Variants in OTUD3 observed in about 807,000 individuals in gnomAD.
The protein encoded by OTUD3 is OTU domain-containing protein 3.
Under a neutral mutation model 46.2 loss-of-function variants are expected in OTUD3, and 24 were observed. The ratio of observed to expected loss-of-function variants is 0.52; its 90% CI spans 0.38 to 0.73. The LOEUF (loss-of-function observed/expected upper bound fraction) is 0.73. Ranked by LOEUF, OTUD3 falls within the 30% of genes least tolerant of loss-of-function variation. The probability of loss-of-function intolerance (pLI) is 0.00; values close to 1 mark genes in which losing one functional copy is unlikely to be tolerated. For missense variants in OTUD3, 455 were observed against 523.3 expected, an observed-to-expected ratio of 0.87 and a Z score of 1.27; for synonymous variants, 189 against 195.4, an observed-to-expected ratio of 0.97 and a Z score of 0.27.
intron 1 of OTUD3, among the ~76,000 whole-genome samples, chr1:19,882,952 T>C (rs2045293433): frequency 6.6e-6 from 1 of 152,204 alleles, no homozygotes; most frequent in African/African-American, 2.4e-5. Context: ...GTCCTAATCA[T>C]GGCAGACGCC....
Position 19,894,406 on chromosome 1 carries a change from G to T in OTUD3, c.409G>T (p.Asp137Tyr), listed in dbSNP as rs1309301545. The T allele has an allele frequency of 6.2e-7, 1 of 1,609,928 alleles. No homozygotes were observed. Among genetic ancestry groups the T allele is most frequent in the Non-Finnish European group, 8.5e-7 (1 of 1,177,862 alleles). Residue 137 changes from aspartate to tyrosine, a missense_variant, in exon 3 of 8, where the codon GAT becomes TAT. Transcript: ENST00000375120. Reference protein sequence around the residue: ...LAKPGTFAGNDAIVAFARNHQ... With the variant: ...LAKPGTFAGNYAIVAFARNHQ... The stretch of plus-strand genomic sequence containing the variant: ...AAAGCCTGGTACTTTTGCTGGCAAT[G>T]ATGCAATTGTAGCCTTTGCAAGAAA...
At position 19,906,551 on chromosome 1, in the gene OTUD3, G is replaced by A. The variant is rs755094105; in HGVS notation, c.955G>A (p.Glu319Lys). 1.4e-5 allele frequency: 23 copies of A among 1,613,750 alleles called. No individual in the cohort carries two copies. The highest frequency in any genetic ancestry group is 5.5e-5 in the South Asian group (5 of 91,026). The change falls in exon 7 of 8, where the codon GAA becomes AAA. Residue 319 changes from glutamate to lysine, a missense_variant. Physicochemically the swap from Glu to Lys is moderately conservative, Grantham distance 56. Transcript: ENST00000375120. ...TCAGGGCTTAAATGAAGGCAGGACC[G>A]AAAACAATAAGGCACAGGCCAGCCC... ...GNQGLNEGRT[E>K]NNKAQASPSE... is the part of the protein sequence containing the mutation.
intron 1 of OTUD3, among the ~76,000 whole-genome samples, chr1:19,885,577 C>T (rs1438380415): frequency 6.6e-6 from 1 of 152,168 alleles, no homozygotes; most frequent in African/African-American, 2.4e-5. Flanking sequence ...CCTCAGCCTC[C>T]TGAGTAGCTG....
At chr1:19,901,671 T>C (rs1012763085) in intron 4 of OTUD3, among the ~76,000 whole-genome samples, 1 of 152,224 alleles carries the variant, frequency 6.6e-6, no homozygotes, top group African/African-American at 2.4e-5. Flanking sequence ...CATTAAGCAG[T>C]GACTCCCAAT....
At chr1:19,891,168 C>T (rs911082431) in intron 2 of OTUD3, among the ~76,000 whole-genome samples, 1 of 152,190 alleles carries the variant, frequency 6.6e-6, no homozygotes, top group Non-Finnish European at 1.5e-5. Context: ...GTTAATTTCT[C>T]ACCCAAACCC....
chr1:19,900,061 T>C (rs980666106), intron 4 of OTUD3, among the ~76,000 whole-genome samples: 41 of 152,224 alleles, frequency 2.7e-4, no homozygotes, highest in African/African-American at 8.9e-4. Flanking sequence ...TGAAAGAATT[T>C]TAGATTTTTA....
At chr1:19,892,386 A>G (rs1164399146) in intron 2 of OTUD3, among the ~76,000 whole-genome samples, 2 of 152,130 alleles carry the variant, frequency 1.3e-5, no homozygotes, top group South Asian at 2.1e-4. Flanking sequence ...TGAGATTCTC[A>G]AGGGCAGGGA....
intron 6 of OTUD3, among the ~76,000 whole-genome samples, chr1:19,905,623 C>T (rs890455198): frequency 3.3e-5 from 5 of 152,106 alleles, no homozygotes; most frequent in African/African-American, 7.2e-5. Context: ...TGCCTGTAAT[C>T]CCAGCTACTC....
chr1:19,899,818 T>A (rs2045562452), intron 4 of OTUD3, among the ~76,000 whole-genome samples: 1 of 152,256 alleles, frequency 6.6e-6, no homozygotes, highest in Non-Finnish European at 1.5e-5. Context: ...TAACCTAGTT[T>A]TAATTTGCAT....
In OTUD3 at chr1:19,887,496, G is replaced by A. The variant is rs529051936; in HGVS notation, c.222-2889G>A. On this transcript the variant is annotated intron_variant, in intron 1 of 7. Coordinates refer to ENST00000375120, the MANE Select transcript of OTUD3 (RefSeq NM_015207.2). The stretch of plus-strand genomic sequence containing the variant: ...GATGCTCAGTAGTCACATGCGGTTA[G>A]CAACCACTATTAAACAACACACATC... Among the ~76,000 whole-genome samples, 3 of 152,246 alleles carry A rather than the reference G, an allele frequency of 2.0e-5. No individual in the cohort carries two copies. The East Asian group carries it at 5.8e-4, about 29-fold the overall frequency.
At chr1:19,905,098 G>A in intron 6 of OTUD3, 111 bp downstream of exon 6, 1 of 674,022 alleles carries the variant, frequency 1.5e-6, no homozygotes, top group East Asian at 2.6e-5. Flanking sequence ...CATTCATTTA[G>A]GAGTTGTTTA....
At chr1:19,887,954 A>G (rs1333672833) in intron 1 of OTUD3, among the ~76,000 whole-genome samples, 1 of 152,182 alleles carries the variant, frequency 6.6e-6, no homozygotes, top group Non-Finnish European at 1.5e-5. Flanking sequence ...CTAATAGTAA[A>G]TTATTGCGCA....
chr1:19,905,983 T>C (rs1038985576), intron 6 of OTUD3, among the ~76,000 whole-genome samples: 11 of 152,218 alleles, frequency 7.2e-5, no homozygotes, highest in Non-Finnish European at 1.5e-4. Context: ...TTCAGTATAG[T>C]GTGTACCTGC....
At chr1:19,900,916 G>GTTTTTTTT (rs990933093) in intron 4 of OTUD3, among the ~76,000 whole-genome samples, 5 of 115,666 alleles carry the variant, frequency 4.3e-5, no homozygotes, top group African/African-American at 6.7e-5. Context: ...TTTTTTTTTT[G>GTTTTTTTT]TTTTTTTTTT....
intron 1 of OTUD3, among the ~76,000 whole-genome samples, chr1:19,884,610 A>G (rs74425254): frequency 0.011 from 1,624 of 147,948 alleles, 67 homozygotes; most frequent in Admixed American, 0.087. Context: ...TATTTACTGT[A>G]TTAGAAAGTA....
At chr1:19,893,648 G>C (rs944653937) in intron 2 of OTUD3, among the ~76,000 whole-genome samples, 4 of 152,300 alleles carry the variant, frequency 2.6e-5, no homozygotes, top group Admixed American at 1.3e-4. Context: ...GGAGAGGCCC[G>C]TCATGAATAA....
chr1:19,899,533 T>C (rs1465570735), intron 4 of OTUD3, among the ~76,000 whole-genome samples: 1 of 152,272 alleles, frequency 6.6e-6, no homozygotes, highest in Non-Finnish European at 1.5e-5. Context: ...CTGATGGACT[T>C]TTAGGTGGTT....
chr1:19,884,803 ATC>A (rs2045332336), intron 1 of OTUD3, among the ~76,000 whole-genome samples: 2 of 152,212 alleles, frequency 1.3e-5, no homozygotes, highest in African/African-American at 4.8e-5. Flanking sequence ...ACCTTCCCAC[ATC>A]TCCGGTCCCT....
chr1:19,890,600 C>T, intron 2 of OTUD3, 67 bp downstream of exon 2: 2 of 1,332,276 alleles, frequency 1.5e-6, no homozygotes, highest in South Asian at 1.2e-5. Context: ...CCACTGGCAT[C>T]CTCCCCCCTC....
Sources: gnomAD v4.1 joint callset for allele counts (sites outside exome capture counted in the v4.1 genomes callset) on GRCh38, gnomAD v4.1.1 for gene constraint, MANE v1.5 for transcripts, NCBI Gene and HGNC (gene_info 2026-07-23, HGNC 2026-07-21) for gene names.